The following LIMA1 variants were observed in gnomAD, a reference collection of about 807,000 sequenced individuals.
The protein encoded by LIMA1 is LIM domain and actin binding 1.
In LIMA1, 52 loss-of-function variants were observed where a neutral mutation model predicts 62.6. That is an observed-to-expected ratio of 0.83 (90% CI 0.67 to 1.05). The LOEUF (loss-of-function observed/expected upper bound fraction) is 1.05. Ranked by LOEUF, LIMA1 falls within the 50% of genes least tolerant of loss-of-function variation. LIMA1 has a pLI of 0.00. For synonymous variants in LIMA1, 302 were observed against 317.8 expected, an observed-to-expected ratio of 0.95 and a Z score of 0.53; for missense variants, 780 against 902.2, an observed-to-expected ratio of 0.86 and a Z score of 1.74.
chr12:50,193,596 A>T (rs1273713171), intron 8 of LIMA1, among the ~76,000 whole-genome samples: 15 of 13,352 alleles, frequency 1.1e-3, no homozygotes, highest in Non-Finnish European at 2.5e-3. Context: ...TATATATGAT[A>T]TATATATACA....
At chr12:50,199,111 C>T (rs1299874933) in intron 7 of LIMA1, among the ~76,000 whole-genome samples, 19 of 152,232 alleles carry the variant, frequency 1.2e-4, no homozygotes, top group East Asian at 1.2e-3. Context: ...GGGTGGATCA[C>T]GTGAGGTCAG....
At chr12:50,225,409 A>G (rs1265985400) in intron 3 of LIMA1, among the ~76,000 whole-genome samples, 1 of 152,044 alleles carries the variant, frequency 6.6e-6, no homozygotes, top group African/African-American at 2.4e-5. Context: ...GACAGTTTAT[A>G]TGGTATATAT....
chr12:50,279,428 A>G (rs915226742), intron 1 of LIMA1, among the ~76,000 whole-genome samples: 6 of 151,968 alleles, frequency 3.9e-5, no homozygotes, highest in Admixed American at 3.3e-4. Context: ...TATATACAAT[A>G]TGAAAGAAGT....
At chr12:50,210,431 A>AAAAAG (rs1555206233) in intron 4 of LIMA1, among the ~76,000 whole-genome samples, 21 of 151,762 alleles carry the variant, frequency 1.4e-4, no homozygotes, top group South Asian at 1.2e-3. Flanking sequence ...AAAAAAAAAA[A>AAAAAG]AAAAGAAAAA....
rs530711782 is a variant in LIMA1 at position 50,255,391 on chromosome 12, C to A, written c.-23-6617G>T. 1.3e-5 allele frequency among the ~76,000 whole-genome samples: 2 copies of A among 151,118 alleles called. 1 individual carries two copies. Among genetic ancestry groups the A allele is most frequent in the South Asian group, 4.2e-4 (2 of 4,796 alleles). ...GCAACATGGTGAAACCCTGTCTCTA[C>A]AAAGAAAAAATACAGAAAACTATCT... On this transcript the variant is annotated intron_variant, in intron 1 of 10. Coordinates refer to ENST00000341247, the MANE Select transcript of LIMA1 (RefSeq NM_016357.5).
intron 4 of LIMA1, among the ~76,000 whole-genome samples, chr12:50,221,688 C>T (rs1282653820): frequency 6.6e-6 from 1 of 152,136 alleles, no homozygotes; most frequent in African/African-American, 2.4e-5. Context: ...AGTAATTCCA[C>T]CCCCAAAGCT....
intron 1 of LIMA1, among the ~76,000 whole-genome samples, chr12:50,272,218 C>T (rs1011296861): frequency 2.6e-5 from 4 of 152,004 alleles, no homozygotes; most frequent in African/African-American, 9.7e-5. Flanking sequence ...TAACCAATAC[C>T]TTCAAGCAGG....
In LIMA1 at chr12:50,271,801, T is replaced by C. The variant is rs566600864; in HGVS notation, c.-24+11619A>G. 8.3e-4 allele frequency among the ~76,000 whole-genome samples: 127 copies of C among 152,352 alleles called. 1 individual carries two copies. The highest frequency in any genetic ancestry group is 1.7e-3 in the Non-Finnish European group (113 of 68,036). ...AACATGTAGGGGCTCAATAAATATC[T>C]GTTATATGAATGAAAAACAGTGTTA... On this transcript the variant is annotated intron_variant, in intron 1 of 10. Transcript: ENST00000341247.
intron 2 of LIMA1, among the ~76,000 whole-genome samples, chr12:50,233,274 C>T (rs942072545): frequency 6.6e-6 from 1 of 151,252 alleles, no homozygotes. Flanking sequence ...AAAGAAGTTA[C>T]AATCTACTTT....
chr12:50,233,112 G>C (rs1286548642), intron 2 of LIMA1, among the ~76,000 whole-genome samples: 1 of 152,198 alleles, frequency 6.6e-6, no homozygotes, highest in African/African-American at 2.4e-5. Context: ...CATCTGCTCT[G>C]ATATAACAAC....
chr12:50,217,994 T>TC (rs1941376264), intron 4 of LIMA1: 1 of 147,904 alleles, frequency 6.8e-6, no homozygotes, highest in African/African-American at 2.5e-5. Flanking sequence ...AAGCTCTGCC[T>TC]CCCGGGTTCA....
chr12:50,230,279 G>A (rs912532655), intron 3 of LIMA1, among the ~76,000 whole-genome samples: 8 of 152,154 alleles, frequency 5.3e-5, no homozygotes, highest in African/African-American at 1.7e-4. Flanking sequence ...CAGGTGATCT[G>A]CCTGCCTCGG....
intron 4 of LIMA1, among the ~76,000 whole-genome samples, chr12:50,216,949 G>C (rs1941354968): frequency 6.6e-6 from 1 of 151,984 alleles, no homozygotes; most frequent in Non-Finnish European, 1.5e-5. Context: ...GAATAACTGA[G>C]AAATAGGCTT....
rs999403806 is a variant in LIMA1, at chr12:50,177,568, A to G, written c.1776T>C (p.Thr592=). Residue 592 remains threonine, a synonymous_variant, in exon 11 of 11, where the codon ACT becomes ACC. Transcript: ENST00000341247. Reference sequence around the variant, plus strand: ...AGGTGCTTTGAAATGAAGCTGCTACAGTGAATGGGCGGCTTCTTTCCTTCA... The same window carrying G: ...AGGTGCTTTGAAATGAAGCTGCTACGGTGAATGGGCGGCTTCTTTCCTTCA... ...SSLKERSRPF[T]VAASFQSTSV... is the part of the protein sequence containing the mutation. 4.3e-6 allele frequency: 7 copies of G among 1,611,722 alleles called. No homozygotes were observed. Among genetic ancestry groups the G allele is most frequent in the South Asian group, 3.3e-5 (3 of 90,578 alleles).
At chr12:50,179,532 G>C (rs1413375747) in intron 10 of LIMA1, among the ~76,000 whole-genome samples, 1 of 149,608 alleles carries the variant, frequency 6.7e-6, no homozygotes, top group African/African-American at 2.5e-5. Context: ...CCGCCTCCCA[G>C]GTTCACGCCA....
At chr12:50,245,966 G>A (rs1941842997) in intron 2 of LIMA1, among the ~76,000 whole-genome samples, 1 of 151,642 alleles carries the variant, frequency 6.6e-6, no homozygotes, top group African/African-American at 2.4e-5. Context: ...GGGCGTGGTG[G>A]CTCACGCCTG....
intron 6 of LIMA1, 87 bp from the exon 7 acceptor site, chr12:50,200,971 T>G: frequency 6.5e-7 from 1 of 1,531,202 alleles, no homozygotes; most frequent in Non-Finnish European, 8.7e-7. Flanking sequence ...AAACTTGGAA[T>G]GTTAAAAAAT....
intron 4 of LIMA1, among the ~76,000 whole-genome samples, chr12:50,211,332 A>C (rs9706482): frequency 0.035 from 4,327 of 123,806 alleles, 149 homozygotes; most frequent in African/African-American, 0.11. Context: ...CCACCCCCCC[A>C]AAAAAAAAAA....
chr12:50,192,407 C>G (rs1237849650), intron 9 of LIMA1, 45 bp downstream of exon 9: 6 of 1,242,290 alleles, frequency 4.8e-6, no homozygotes, highest in Non-Finnish European at 7.1e-6. Flanking sequence ...TTAGCTCTAC[C>G]AGTAGACCAA....
Sources: gnomAD v4.1 joint callset for allele counts (sites outside exome capture counted in the v4.1 genomes callset) on GRCh38, gnomAD v4.1.1 for gene constraint, MANE v1.5 for transcripts, NCBI Gene and HGNC (gene_info 2026-07-23, HGNC 2026-07-21) for gene names.